Variants in NCLN observed in about 807,000 individuals in gnomAD.
NCLN encodes BOS complex subunit NCLN.
NCLN carries 34 observed loss-of-function variants against 69.5 expected under a neutral mutation model. That is an observed-to-expected ratio of 0.49 (90% confidence interval 0.37 to 0.65). The LOEUF is 0.65. NCLN is among the 30% of genes least tolerant of loss of function. NCLN has a pLI of 0.00. For synonymous variants in NCLN, 393 were observed against 358.3 expected (o/e 1.10, Z -1.09); for missense variants, 710 against 804.8 (o/e 0.88, Z 1.42).
intron 4 of NCLN, among the ~76,000 whole-genome samples, chr19:3,196,911 G>T (rs1027732392): frequency 6.6e-6 from 1 of 152,370 alleles, no homozygotes; most frequent in African/African-American, 2.4e-5. Context: ...CAGATGAGGG[G>T]TTGCCTCACT....
chr19:3,206,101 A>AG lies in NCLN; in HGVS notation c.1297-50dup, dbSNP rs761249589. On this transcript the variant is annotated intron_variant, in intron 10 of 14. Transcript: ENST00000246117. ...CGGCCCCGGCCCCACCCCTGGCCCC[A>AG]GCCCCACTGCAGGGGCCTGGACTCA... is the stretch of plus-strand genomic sequence containing the variant. 9 of 1,546,404 alleles carry AG rather than the reference A, an allele frequency of 5.8e-6. No individual in the cohort carries two copies. The African/African-American group carries it at 8.2e-5, about 14-fold the overall frequency.
chr19:3,188,445 GT>G (rs1418133571), intron 1 of NCLN, among the ~76,000 whole-genome samples: 1 of 152,152 alleles, frequency 6.6e-6, no homozygotes, highest in Non-Finnish European at 1.5e-5. Context: ...GTCCCTCCCA[GT>G]TTCCTTGTGT....
intron 3 of NCLN, among the ~76,000 whole-genome samples, chr19:3,195,785 T>C (rs1015444122): frequency 6.6e-6 from 1 of 151,998 alleles, no homozygotes. Flanking sequence ...CATGAGACCC[T>C]GTCTCAAATT....
intron 1 of NCLN, among the ~76,000 whole-genome samples, chr19:3,188,227 C>T (rs1244970894): frequency 2.0e-5 from 3 of 151,976 alleles, no homozygotes; most frequent in Admixed American, 6.6e-5. Context: ...GTGGCTGCTA[C>T]ACTGTCCCTG....
chr19:3,202,953 G>T (rs1916165626), intron 6 of NCLN, among the ~76,000 whole-genome samples: 1 of 152,060 alleles, frequency 6.6e-6, no homozygotes, highest in Non-Finnish European at 1.5e-5. Flanking sequence ...GAAGATGGGG[G>T]TAGGGGGCGT....
rs1568310902 is a variant in NCLN at position 3,193,402 on chromosome 19, C to G, written c.494C>G (p.Ser165Cys). 1 of 1,608,598 alleles carries G rather than the reference C, an allele frequency of 6.2e-7. No homozygotes were observed. The highest frequency in any genetic ancestry group is 8.5e-7 in the Non-Finnish European group (1 of 1,179,458). The stretch of plus-strand genomic sequence containing the variant: ...AAGCAGACCCAGGCTGCCTCCGCCT[C>G]CCAGGGCTCCGCCTCTGCTGCTGAA... ...IYKQTQAASASQGSASAAEVL... is the reference protein window; with the variant it reads ...IYKQTQAASACQGSASAAEVL... Residue 165 changes from serine (S) to cysteine (C), a missense_variant, in exon 3 of 15, where the codon TCC becomes TGC. Physicochemically the swap from Ser to Cys is moderately radical, Grantham distance 112. Transcript: ENST00000246117.
chr19:3,189,160 T>A (rs1176255852), intron 1 of NCLN, among the ~76,000 whole-genome samples: 1 of 152,178 alleles, frequency 6.6e-6, no homozygotes, highest in Admixed American at 6.5e-5. Flanking sequence ...ACCCCTCTCC[T>A]GGGAGTGGAC....
chr19:3,206,199 G>A lies in NCLN; in HGVS notation c.1335+9G>A. 2 of 1,461,140 alleles carry A rather than the reference G, an allele frequency of 1.4e-6. No individual in the cohort carries two copies. The highest frequency in any genetic ancestry group is 1.8e-6 in the Non-Finnish European group (2 of 1,103,988). 90.5% of individuals were successfully genotyped at this position (1,461,140 alleles called of 1,614,324 possible). ...TGTTCACAGAGCAGATGGTAAGGGG[G>A]CCAGGCCAGTGGGTGGGTGGGTGGG... is the stretch of plus-strand genomic sequence containing the variant. On this transcript the variant is annotated intron_variant, in intron 11 of 14. Coordinates refer to ENST00000246117, the MANE Select transcript of NCLN (RefSeq NM_020170.4).
intron 8 of NCLN, among the ~76,000 whole-genome samples, 200 bp from the exon 9 acceptor site, chr19:3,204,373 G>T (rs909503564): frequency 2.6e-5 from 4 of 152,132 alleles, no homozygotes; most frequent in Non-Finnish European, 5.9e-5. Flanking sequence ...TCCTGTCCCA[G>T]AGTGTCCCCT....
At position 3,205,199 on chromosome 19, in the gene NCLN, C is replaced by T. The variant is rs1916233382; in HGVS notation, c.1208+448C>T. ...TCCTCTGACCCTGTGTCCTGCCCGTCTCTCTGCCATCATGTGAGCCCCTGG... is the reference window on the plus strand; with the variant it reads ...TCCTCTGACCCTGTGTCCTGCCCGTTTCTCTGCCATCATGTGAGCCCCTGG... On this transcript the variant is annotated intron_variant, in intron 9 of 14. Transcript: ENST00000246117. The surrounding 1 kb of genome is among the most constrained non-coding windows in gnomAD (Gnocchi z 4.6). Among the ~76,000 whole-genome samples the T allele has an allele frequency of 6.6e-6, 1 of 152,244 alleles. No individual in the cohort carries two copies. Among genetic ancestry groups the T allele is most frequent in the Non-Finnish European group, 1.5e-5 (1 of 68,044 alleles).
In NCLN at chr19:3,207,993, T is replaced by C. The variant is rs1916322454; in HGVS notation, c.*305T>C. 1 of 435,192 alleles carries C rather than the reference T, an allele frequency of 2.3e-6. No individual in the cohort carries two copies. The highest frequency in any genetic ancestry group is 4.2e-6 in the Non-Finnish European group (1 of 236,972). 27.0% of individuals were successfully genotyped at this position (435,192 alleles called of 1,614,324 possible). ...TGGGAGCCGGCCGCCCTCGGTCTGG[T>C]GTAAGCACACATGCACGATTAAAGA... On this transcript the variant is annotated 3_prime_UTR_variant, in exon 15 of 15. Coordinates refer to ENST00000246117, the MANE Select transcript of NCLN (RefSeq NM_020170.4).
At position 3,198,843 on chromosome 19, in the gene NCLN, G is replaced by C. The variant is rs11671067; in HGVS notation, c.642G>C (p.Glu214Asp). Residue 214 changes from glutamate to aspartate, a missense_variant, in exon 5 of 15, where the codon GAG becomes GAC. Glu to Asp is a conservative substitution (Grantham distance 45). Transcript: ENST00000246117. ...VEGRLTGLGG[E>D]DLPTIVIVAH... ...GGCGGCTGACGGGGCTGGGCGGAGA[G>C]GACCTTCCCACCATCGTCATCGTGG... 34,544 of 1,572,676 alleles carry C rather than the reference G, an allele frequency of 0.022. 446 individuals carry two copies. The highest frequency in any genetic ancestry group is 0.026 in the Non-Finnish European group (30,547 of 1,159,956).
chr19:3,204,979 T>C (rs767747689), intron 9 of NCLN, among the ~76,000 whole-genome samples: 3 of 152,142 alleles, frequency 2.0e-5, no homozygotes, highest in Non-Finnish European at 4.4e-5. Context: ...CGTGGCCCCA[T>C]ATAGGACCCC....
In NCLN at chr19:3,208,083, G is replaced by C. The variant is rs1270311171; in HGVS notation, c.*395G>C. 4.3e-6 allele frequency: 1 copy of C among 233,782 alleles called. No individual in the cohort carries two copies. Among genetic ancestry groups the C allele is most frequent in the East Asian group, 1.2e-4 (1 of 8,670 alleles). 14.5% of individuals were successfully genotyped at this position (233,782 alleles called of 1,614,324 possible). On this transcript the variant is annotated 3_prime_UTR_variant, in exon 15 of 15. Transcript: ENST00000246117. ...CGCCCACCGCCTCCTGCCGCAAGGGGCCTGGACTGCAGGCCTGACCTGCTC... is the reference window on the plus strand; with the variant it reads ...CGCCCACCGCCTCCTGCCGCAAGGGCCCTGGACTGCAGGCCTGACCTGCTC...
At chr19:3,194,838 G>A (rs894242647) in intron 3 of NCLN, among the ~76,000 whole-genome samples, 3 of 149,222 alleles carry the variant, frequency 2.0e-5, no homozygotes, top group African/African-American at 7.4e-5. Flanking sequence ...GCAACCTGAA[G>A]GAGGAATCTT....
chr19:3,199,466 C>G (rs1220704835), intron 5 of NCLN, among the ~76,000 whole-genome samples: 1 of 152,228 alleles, frequency 6.6e-6, no homozygotes, highest in Admixed American at 6.5e-5. Context: ...TGGCCCATGC[C>G]GGGATTCCAG....
intron 1 of NCLN, 86 bp downstream of exon 1, chr19:3,186,300 C>T (rs1309837574): frequency 3.7e-6 from 5 of 1,342,248 alleles, no homozygotes; most frequent in African/African-American, 1.5e-5. Flanking sequence ...CGATCCCTAG[C>T]TCCGGCCTGG....
intron 3 of NCLN, 128 bp from the exon 4 acceptor site, chr19:3,196,055 T>A: frequency 1.9e-6 from 1 of 537,522 alleles, no homozygotes; most frequent in Non-Finnish European, 3.3e-6. Flanking sequence ...CGAAATCTGC[T>A]GGTCACGTCC....
intron 2 of NCLN, 71 bp from the exon 3 acceptor site, chr19:3,193,213 T>G: frequency 2.8e-6 from 4 of 1,407,026 alleles, no homozygotes; most frequent in East Asian, 2.4e-5. Flanking sequence ...CCAGGGACAG[T>G]CACTGGGCCC....
Sources: allele counts gnomAD v4.1 joint callset (sites outside exome capture counted in the v4.1 genomes callset), GRCh38; gene constraint gnomAD v4.1.1; non-coding constraint Gnocchi (gnomAD v3.1); transcripts MANE v1.5; gene names NCBI Gene and HGNC (gene_info 2026-07-23, HGNC 2026-07-21).